Variants in RBFOX3 observed in about 807,000 individuals in gnomAD.
RBFOX3 encodes RNA binding fox-1 homolog 3.
RBFOX3 carries 17 observed loss-of-function variants against 48.7 expected under a neutral mutation model. The ratio of observed to expected loss-of-function variants is 0.35; its 90% CI spans 0.24 to 0.52. The LOEUF (loss-of-function observed/expected upper bound fraction) is 0.52, where lower values mean the gene tolerates loss of function less well. Among genes scored for constraint, RBFOX3 ranks in the 20% least tolerant of loss-of-function variants. RBFOX3 has a pLI of 0.94. For synonymous variants in RBFOX3, 212 were observed against 209.5 expected (o/e 1.01, Z -0.10); for missense variants, 382 against 497.5 (o/e 0.77, Z 2.21).
At chr17:79,264,783 A>G (rs573872803) in intron 3 of RBFOX3, among the ~76,000 whole-genome samples, 103 of 152,218 alleles carry the variant, frequency 6.8e-4, no homozygotes, top group Non-Finnish European at 9.6e-4. Flanking sequence ...ATACTGCCAG[A>G]GGCGGTGTGC....
intron 1 of RBFOX3, among the ~76,000 whole-genome samples, chr17:79,522,566 C>T (rs1480744767): frequency 2.0e-5 from 3 of 152,008 alleles, no homozygotes; most frequent in Admixed American, 1.3e-4. Context: ...TCCTCTCACC[C>T]GACACACACA....
At chr17:79,619,939 G>T in the RBFOX3 span, among the ~76,000 whole-genome samples, 1 of 152,204 alleles carries the variant, frequency 6.6e-6, no homozygotes, top group African/African-American at 2.4e-5. Flanking sequence ...AACAGCAATC[G>T]TGGCTGCTTC....
chr17:79,545,306 G>T (rs2090272002), intron 1 of RBFOX3, among the ~76,000 whole-genome samples: 2 of 152,230 alleles, frequency 1.3e-5, no homozygotes, highest in South Asian at 4.1e-4. Flanking sequence ...CAGGAAAGAA[G>T]GAAGGGGCCA....
chr17:79,134,801 A>C (rs530871832), intron 4 of RBFOX3, among the ~76,000 whole-genome samples: 113 of 152,208 alleles, frequency 7.4e-4, no homozygotes, highest in African/African-American at 2.4e-3. Flanking sequence ...GACAGCAGCC[A>C]CCGGTGGACA....
chr17:79,530,923 C>G (rs891349531), intron 1 of RBFOX3, among the ~76,000 whole-genome samples: 1 of 152,200 alleles, frequency 6.6e-6, no homozygotes, highest in Non-Finnish European at 1.5e-5. Context: ...TAGACGGTCT[C>G]GGCCAGTCAG....
intron 2 of RBFOX3, among the ~76,000 whole-genome samples, chr17:79,372,908 C>G (rs778281630): frequency 4.6e-5 from 7 of 152,292 alleles, no homozygotes; most frequent in Middle Eastern, 3.4e-3. Flanking sequence ...GAGTCTATAA[C>G]GCAGAGCAAG....
At chr17:79,094,017 G>A (rs897392664) in intron 14 of RBFOX3, among the ~76,000 whole-genome samples, 1 of 152,056 alleles carries the variant, frequency 6.6e-6, no homozygotes, top group Non-Finnish European at 1.5e-5. Context: ...GGGGGCTGCA[G>A]CAGTGCGGGT....
intron 3 of RBFOX3, among the ~76,000 whole-genome samples, chr17:79,262,692 C>T (rs1459808917): frequency 1.3e-5 from 2 of 152,224 alleles, no homozygotes; most frequent in Non-Finnish European, 2.9e-5. Flanking sequence ...AGCTACGGAT[C>T]TGTGGCTGCC....
At chr17:79,098,027 A>G in intron 9 of RBFOX3, 1 of 443,478 alleles carries the variant, frequency 2.3e-6, no homozygotes, top group Non-Finnish European at 4.1e-6. Context: ...CCTGGGCGTC[A>G]TCCCCCGAAG....
Position 79,380,470 on chromosome 17 carries a change from C to T in RBFOX3, c.-174-72646G>A, listed in dbSNP as rs557945345. 6.6e-5 allele frequency among the ~76,000 whole-genome samples: 10 copies of T among 152,318 alleles called. No individual in the cohort carries two copies. The East Asian group carries it at 1.4e-3, about 21-fold the overall frequency. On this transcript the variant is annotated intron_variant, in intron 2 of 14. Coordinates refer to ENST00000693108, the MANE Select transcript of RBFOX3 (RefSeq NM_001350451.2). ...TGCTGACCGTGGCCCTGGCTGTCAGCGCCCCTGGCCTGGGAGAGGGCTGCA... is the reference window on the plus strand; with the variant it reads ...TGCTGACCGTGGCCCTGGCTGTCAGTGCCCCTGGCCTGGGAGAGGGCTGCA...
chr17:79,269,304 C>T (rs9906628), intron 3 of RBFOX3, among the ~76,000 whole-genome samples: 71,690 of 152,004 alleles, frequency 0.47, 18,029 homozygotes, highest in Middle Eastern at 0.66. Context: ...AGAGTCCTGG[C>T]CTCCAGAACT....
intron 1 of RBFOX3, among the ~76,000 whole-genome samples, chr17:79,591,637 C>T (rs1448166729): frequency 2.6e-5 from 4 of 152,188 alleles, no homozygotes; most frequent in African/African-American, 7.2e-5. Context: ...CAAACAGTAT[C>T]GTGTTTTCTG....
At chr17:79,321,269 T>C (rs2146018248) in intron 2 of RBFOX3, among the ~76,000 whole-genome samples, 1 of 152,244 alleles carries the variant, frequency 6.6e-6, no homozygotes, top group South Asian at 2.1e-4. Flanking sequence ...CTCTACCTCA[T>C]GTCTTCCCTG....
intron 2 of RBFOX3, among the ~76,000 whole-genome samples, chr17:79,389,231 T>A (rs1369674559): frequency 6.6e-6 from 1 of 152,126 alleles, no homozygotes; most frequent in African/African-American, 2.4e-5. Flanking sequence ...ACTCACCCCT[T>A]TGGTGTGCAA....
At chr17:79,148,387 C>T (rs1169674999) in intron 4 of RBFOX3, among the ~76,000 whole-genome samples, 1 of 152,206 alleles carries the variant, frequency 6.6e-6, no homozygotes, top group East Asian at 1.9e-4. Context: ...CCCTGTGCCC[C>T]ACTGCTGGGG....
At chr17:79,476,863 G>C (rs1417223348) in intron 2 of RBFOX3, among the ~76,000 whole-genome samples, 1 of 151,430 alleles carries the variant, frequency 6.6e-6, no homozygotes, top group Non-Finnish European at 1.5e-5. Context: ...AGAGGAGGGG[G>C]AATGAGAAAG....
intron 2 of RBFOX3, among the ~76,000 whole-genome samples, chr17:79,415,938 G>A (rs530188497): frequency 5.3e-5 from 8 of 152,192 alleles, no homozygotes; most frequent in East Asian, 1.9e-4. Flanking sequence ...ACCTGCAGAC[G>A]CCCCCAGACT....
intron 2 of RBFOX3, among the ~76,000 whole-genome samples, chr17:79,409,555 A>G (rs1312539949): frequency 6.6e-6 from 1 of 152,180 alleles, no homozygotes; most frequent in Non-Finnish European, 1.5e-5. Context: ...GCTGCCTATT[A>G]CTTGTGTAGA....
rs543304573 is a variant in RBFOX3 at position 79,535,565 on chromosome 17, T to C, written c.-319-52967A>G. ...AGGCTGGAAGGGGCCCGGCTACCCC[T>C]CAAAGTTTCCTGGGCTTGCAGGTCT... is the stretch of plus-strand genomic sequence containing the variant. On this transcript the variant is annotated intron_variant, in intron 1 of 14. Transcript: ENST00000693108. The surrounding 1 kb of genome is among the most constrained non-coding windows in gnomAD (Gnocchi z 4.5). Among the ~76,000 whole-genome samples, 5 of 152,258 alleles carry C rather than the reference T, an allele frequency of 3.3e-5. No individual in the cohort carries two copies. Among genetic ancestry groups the C allele is most frequent in the African/African-American group, 1.2e-4 (5 of 41,544 alleles).
Sources: gnomAD v4.1 joint callset for allele counts (sites outside exome capture counted in the v4.1 genomes callset) on GRCh38, gnomAD v4.1.1 for gene constraint, Gnocchi (gnomAD v3.1) non-coding constraint, MANE v1.5 for transcripts, NCBI Gene and HGNC (gene_info 2026-07-23, HGNC 2026-07-21) for gene names.